The following FBXL20 variants were observed in gnomAD, a reference collection of about 807,000 sequenced individuals.
FBXL20 encodes F-box and leucine rich repeat protein 20.
FBXL20 carries 11 observed loss-of-function variants against 64.0 expected under a neutral mutation model. The observed-to-expected ratio is 0.17, with a 90% CI of 0.11 to 0.28. The LOEUF is 0.28. Among genes scored for constraint, FBXL20 ranks in the 10% least tolerant of loss-of-function variants. The pLI, the probability that FBXL20 is intolerant of heterozygous loss-of-function variation, is 1.00. For synonymous variants in FBXL20, 184 were observed against 189.0 expected, an observed-to-expected ratio of 0.97 and a Z score of 0.22; for missense variants, 303 against 526.2, an observed-to-expected ratio of 0.58 and a Z score of 4.15.
At chr17:39,329,609 A>T (rs1387055576) in intron 2 of FBXL20, among the ~76,000 whole-genome samples, 1 of 152,126 alleles carries the variant, frequency 6.6e-6, no homozygotes, top group African/African-American at 2.4e-5. Context: ...ATATATATGT[A>T]TATATAATGT....
At chr17:39,280,212 G>A (rs184168795) in intron 9 of FBXL20, among the ~76,000 whole-genome samples, 125 of 147,528 alleles carry the variant, frequency 8.5e-4, no homozygotes, top group African/African-American at 2.9e-3. Flanking sequence ...CTCCAGCCCA[G>A]GCAACAGTGC....
In FBXL20 at chr17:39,298,978, T is replaced by C. The variant is rs780577681; in HGVS notation, c.329+12A>G. ...TTCCATCAAGAAGATTAATCAATAG[T>C]TATGTTTTTACCTTAATGCATTGTC... On this transcript the variant is annotated intron_variant, in intron 5 of 14. Transcript: ENST00000264658. The C allele has an allele frequency of 2.5e-6, 4 of 1,602,112 alleles. No homozygotes were observed. Among genetic ancestry groups the C allele is most frequent in the East Asian group, 4.5e-5 (2 of 44,764 alleles).
At chr17:39,312,428 T>A (rs1249493186) in intron 2 of FBXL20, among the ~76,000 whole-genome samples, 3 of 149,350 alleles carry the variant, frequency 2.0e-5, no homozygotes, top group Non-Finnish European at 4.4e-5. Flanking sequence ...AAATAAAAAG[T>A]AGTAAGAACT....
chr17:39,360,767 G>A (rs2047786704), intron 1 of FBXL20, among the ~76,000 whole-genome samples: 1 of 152,148 alleles, frequency 6.6e-6, no homozygotes, highest in African/African-American at 2.4e-5. Flanking sequence ...CTAAGCATCA[G>A]AGACAGTAGC....
intron 12 of FBXL20, among the ~76,000 whole-genome samples, chr17:39,266,286 C>T (rs1396116691): frequency 6.6e-6 from 1 of 150,384 alleles, no homozygotes; most frequent in African/African-American, 2.5e-5. Flanking sequence ...GTGGCACGAT[C>T]TCAGCTCACT....
At chr17:39,296,404 C>G (rs749033484) in intron 6 of FBXL20, among the ~76,000 whole-genome samples, 1 of 151,438 alleles carries the variant, frequency 6.6e-6, no homozygotes, top group Non-Finnish European at 1.5e-5. Flanking sequence ...ACTAAAAATA[C>G]AAAAAATAAG....
At chr17:39,400,356 A>C (rs2048229526) in intron 1 of FBXL20, among the ~76,000 whole-genome samples, 1 of 151,836 alleles carries the variant, frequency 6.6e-6, no homozygotes, top group Admixed American at 6.6e-5. Context: ...CGAGTTTCTT[A>C]AACTTTTGTC....
intron 6 of FBXL20, among the ~76,000 whole-genome samples, chr17:39,288,428 C>A (rs1334038634): frequency 1.3e-5 from 2 of 152,040 alleles, no homozygotes; most frequent in Non-Finnish European, 2.9e-5. Flanking sequence ...AGATATATGA[C>A]CTGCAAATAC....
At chr17:39,312,151 T>C (rs1295679297) in intron 2 of FBXL20, among the ~76,000 whole-genome samples, 1 of 152,148 alleles carries the variant, frequency 6.6e-6, no homozygotes, top group African/African-American at 2.4e-5. Flanking sequence ...GCATGGTGGC[T>C]CACGCCTGTA....
chr17:39,269,499 C>CT (rs1024012415), intron 11 of FBXL20, among the ~76,000 whole-genome samples: 2,723 of 116,720 alleles, frequency 0.023, 57 homozygotes, highest in African/African-American at 0.056. Context: ...GGCCTTTCCT[C>CT]TTTTTTTTTT....
intron 2 of FBXL20, among the ~76,000 whole-genome samples, chr17:39,317,712 T>G (rs540122264): frequency 2.7e-4 from 29 of 106,538 alleles, no homozygotes; most frequent in South Asian, 1.3e-3. Flanking sequence ...TTTTTTTTTT[T>G]TTTTTTTGAG....
At chr17:39,284,697 T>C (rs777839923) in intron 7 of FBXL20, among the ~76,000 whole-genome samples, 2 of 151,986 alleles carry the variant, frequency 1.3e-5, no homozygotes, top group African/African-American at 2.4e-5. Context: ...GGGACCCTTT[T>C]TAAAGCACTT....
chr17:39,380,937 A>G (rs1295899551), intron 1 of FBXL20, among the ~76,000 whole-genome samples: 1 of 151,938 alleles, frequency 6.6e-6, no homozygotes. Flanking sequence ...AGGCCGGTGG[A>G]TTGCCTAAGG....
chr17:39,401,494 G>C lies in FBXL20; in HGVS notation c.-92C>G. 3 of 1,508,908 alleles carry C rather than the reference G, an allele frequency of 2.0e-6. No homozygotes were observed. Among genetic ancestry groups the C allele is most frequent in the Non-Finnish European group, 2.6e-6 (3 of 1,134,402 alleles). 93.5% of individuals were successfully genotyped at this position (1,508,908 alleles called of 1,614,324 possible). On this transcript the variant is annotated 5_prime_UTR_variant, in exon 1 of 15. Transcript: ENST00000264658. Reference sequence around the variant, plus strand: ...ACAGGCCCGGGAGTTCCGGGACGGGGACTGGGCGCCGGAGGGGTGACGCCG... The same window carrying C: ...ACAGGCCCGGGAGTTCCGGGACGGGCACTGGGCGCCGGAGGGGTGACGCCG...
chr17:39,323,607 A>C (rs1467870414), intron 2 of FBXL20, among the ~76,000 whole-genome samples: 1 of 152,100 alleles, frequency 6.6e-6, no homozygotes, highest in Non-Finnish European at 1.5e-5. Flanking sequence ...ACCTTGAAGA[A>C]TACTACTGAC....
intron 1 of FBXL20, among the ~76,000 whole-genome samples, chr17:39,371,664 CTTTT>C (rs76801256): frequency 1.4e-5 from 2 of 143,180 alleles, no homozygotes; most frequent in East Asian, 2.0e-4. Flanking sequence ...TTACTTTTTT[CTTTT>C]TTTTTTTTTT....
intron 3 of FBXL20, among the ~76,000 whole-genome samples, chr17:39,302,957 G>A (rs981950084): frequency 6.6e-6 from 1 of 151,780 alleles, no homozygotes; most frequent in East Asian, 1.9e-4. Context: ...TGTCGCCCAG[G>A]GTAGAGTGCA....
At chr17:39,382,415 C>T (rs1191620705) in intron 1 of FBXL20, among the ~76,000 whole-genome samples, 2 of 141,894 alleles carry the variant, frequency 1.4e-5, no homozygotes, top group African/African-American at 5.5e-5. Flanking sequence ...TGCACTCCAG[C>T]CACAGCAACA....
At chr17:39,359,292 T>C (rs1195581255) in intron 1 of FBXL20, among the ~76,000 whole-genome samples, 2 of 152,026 alleles carry the variant, frequency 1.3e-5, no homozygotes, top group Non-Finnish European at 2.9e-5. Context: ...GCCAGGATTA[T>C]GCAACTTCAC....
Sources: allele counts gnomAD v4.1 joint callset (sites outside exome capture counted in the v4.1 genomes callset), GRCh38; gene constraint gnomAD v4.1.1; transcripts MANE v1.5; gene names NCBI Gene and HGNC (gene_info 2026-07-23, HGNC 2026-07-21).